The following PAK5 variants were observed in gnomAD, a reference collection of about 807,000 sequenced individuals.
PAK5 encodes the protein p21 (RAC1) activated kinase 5.
Under a neutral mutation model 65.9 loss-of-function variants are expected in PAK5, and 16 were observed. The observed-to-expected ratio is 0.24, with a 90% CI of 0.16 to 0.37. The LOEUF is 0.37. Among genes scored for constraint, PAK5 ranks in the 10% least tolerant of loss-of-function variants. The pLI is 1.00. For missense variants in PAK5, 785 were observed against 903.9 expected (o/e 0.87, Z 1.69); for synonymous variants, 371 against 354.9 (o/e 1.05, Z -0.51).
chr20:9,688,818 C>T (rs904427811), intron 2 of PAK5, among the ~76,000 whole-genome samples: 1 of 152,068 alleles, frequency 6.6e-6, no homozygotes, highest in African/African-American at 2.4e-5. Flanking sequence ...CGGTGACTGG[C>T]AAAAACGTGT....
intron 2 of PAK5, among the ~76,000 whole-genome samples, chr20:9,688,764 A>T (rs2047754272): frequency 6.6e-6 from 1 of 152,236 alleles, no homozygotes; most frequent in Admixed American, 6.5e-5. Context: ...TAGCAAAAAA[A>T]ATCTGGAGTT....
At chr20:9,798,474 C>T (rs1234715500) in intron 1 of PAK5, among the ~76,000 whole-genome samples, 1 of 152,022 alleles carries the variant, frequency 6.6e-6, no homozygotes, top group African/African-American at 2.4e-5. Context: ...ATTCAGACAC[C>T]AGCTGATTTA....
At chr20:9,712,549 C>A (rs532302648) in intron 1 of PAK5, among the ~76,000 whole-genome samples, 1 of 152,124 alleles carries the variant, frequency 6.6e-6, no homozygotes, top group South Asian at 2.1e-4. Flanking sequence ...ACAAAAGACT[C>A]CGAATAACTA....
chr20:9,749,965 C>A (rs1373644813), intron 1 of PAK5, among the ~76,000 whole-genome samples: 1 of 152,174 alleles, frequency 6.6e-6, no homozygotes, highest in Non-Finnish European at 1.5e-5. Flanking sequence ...CTCTTAAAAG[C>A]TGCATTTCAT....
intron 2 of PAK5, among the ~76,000 whole-genome samples, chr20:9,666,191 A>T (rs1398138389): frequency 6.6e-6 from 1 of 152,134 alleles, no homozygotes; most frequent in African/African-American, 2.4e-5. Context: ...CTTTACAAAG[A>T]TATTTACAGA....
chr20:9,544,359 A>AC lies in PAK5; in HGVS notation c.1869+9dup. ...CAGTCCTGCCACGCCTATGACTGTG[A>AC]CCCCCTTACCTCTGTCCCATAAGGT... On this transcript the variant is annotated intron_variant, in intron 8 of 9. Transcript: ENST00000353224. 6.2e-7 allele frequency: 1 copy of AC among 1,612,918 alleles called. No homozygotes were observed. The highest frequency in any genetic ancestry group is 1.3e-5 in the African/African-American group (1 of 74,946).
At chr20:9,590,558 A>G (rs577026505) in intron 3 of PAK5, among the ~76,000 whole-genome samples, 64 of 151,910 alleles carry the variant, frequency 4.2e-4, no homozygotes, top group Middle Eastern at 3.4e-3. Context: ...ACCCTGATCT[A>G]GATACACAGG....
intron 4 of PAK5, among the ~76,000 whole-genome samples, chr20:9,571,876 G>C (rs901872058): frequency 6.4e-5 from 9 of 141,728 alleles, no homozygotes; most frequent in East Asian, 2.1e-4. Context: ...ATGAATGATG[G>C]GGGGGGGGGA....
chr20:9,702,256 G>T (rs570290058), intron 2 of PAK5, among the ~76,000 whole-genome samples: 1 of 152,104 alleles, frequency 6.6e-6, no homozygotes, highest in East Asian at 1.9e-4. Context: ...AGTCCCTAGC[G>T]TGGAATCCCA....
At chr20:9,603,433 T>C (rs1397306905) in intron 3 of PAK5, among the ~76,000 whole-genome samples, 1 of 152,216 alleles carries the variant, frequency 6.6e-6, no homozygotes, top group Admixed American at 6.5e-5. Context: ...CTCCAAGTTC[T>C]GCCCTATTTA....
intron 2 of PAK5, among the ~76,000 whole-genome samples, chr20:9,646,005 G>C (rs1167084256): frequency 6.6e-6 from 1 of 152,194 alleles, no homozygotes; most frequent in Non-Finnish European, 1.5e-5. Context: ...GATCCATGAG[G>C]GAAAGGATGC....
At position 9,699,763 on chromosome 20, in the gene PAK5, C is replaced by T. The variant is rs1016961902; in HGVS notation, c.-12+11523G>A. ...GGACTTGGAAAAAAAAGTGAAATAT[C>T]GTGTCACATGGGGAATCAGAGTGCC... On this transcript the variant is annotated intron_variant, in intron 2 of 9. Transcript: ENST00000353224. Among the ~76,000 whole-genome samples, 8 of 152,030 alleles carry T rather than the reference C, an allele frequency of 5.3e-5. No homozygotes were observed. The East Asian group carries it at 1.2e-3, about 22-fold the overall frequency.
At chr20:9,559,184 C>A (rs1198309749) in intron 6 of PAK5, among the ~76,000 whole-genome samples, 4 of 152,088 alleles carry the variant, frequency 2.6e-5, no homozygotes. Flanking sequence ...AAAACTTCTT[C>A]CCTATCCCAT....
chr20:9,606,662 G>C (rs2046459976), intron 3 of PAK5, among the ~76,000 whole-genome samples: 2 of 152,278 alleles, frequency 1.3e-5, no homozygotes, highest in East Asian at 1.9e-4. Context: ...AGTTGGCAAC[G>C]GTGACCCATG....
At chr20:9,542,080 T>C (rs555182140) in intron 9 of PAK5, among the ~76,000 whole-genome samples, 5 of 152,322 alleles carry the variant, frequency 3.3e-5, no homozygotes, top group African/African-American at 1.2e-4. Flanking sequence ...CAGCTTTCAA[T>C]CCCTTCTCCT....
At chr20:9,573,334 G>A (rs986553180) in intron 4 of PAK5, among the ~76,000 whole-genome samples, 4 of 152,026 alleles carry the variant, frequency 2.6e-5, no homozygotes, top group African/African-American at 9.7e-5. Flanking sequence ...CTAAAGATAG[G>A]GTCAGACACA....
intron 2 of PAK5, among the ~76,000 whole-genome samples, chr20:9,666,230 A>T (rs2047415300): frequency 6.6e-6 from 1 of 152,136 alleles, no homozygotes; most frequent in Non-Finnish European, 1.5e-5. Context: ...GCATAACTTG[A>T]GTCATATAAT....
At chr20:9,639,584 A>G (rs1006481161) in intron 3 of PAK5, among the ~76,000 whole-genome samples, 7 of 152,236 alleles carry the variant, frequency 4.6e-5, no homozygotes, top group Admixed American at 1.3e-4. Context: ...AGAAATCCAG[A>G]ACCTGCTCTA....
rs75756247 is a variant in PAK5, at chr20:9,537,952, C to T, written c.*1510G>A. On this transcript the variant is annotated 3_prime_UTR_variant, in exon 10 of 10. Transcript: ENST00000353224. ...TTAATTATGCTTAGAGCAACCAGAG[C>T]GCTATCACAAATTTAAATTCATATT... The T allele has an allele frequency of 0.019, 4,313 of 230,760 alleles. 75 individuals carry two copies. The highest frequency in any genetic ancestry group is 0.024 in the Non-Finnish European group (2,827 of 116,364). 14.3% of individuals were successfully genotyped at this position (230,760 alleles called of 1,614,324 possible).
Sources: allele counts gnomAD v4.1 joint callset (sites outside exome capture counted in the v4.1 genomes callset), GRCh38; gene constraint gnomAD v4.1.1; transcripts MANE v1.5; gene names NCBI Gene and HGNC (gene_info 2026-07-23, HGNC 2026-07-21).